Variants in EIPR1 observed in about 807,000 individuals in gnomAD.
EIPR1 encodes the protein EARP and GARP complex-interacting protein 1.
Under a neutral mutation model 48.1 loss-of-function variants are expected in EIPR1, and 25 were observed. The observed-to-expected ratio is 0.52, with a 90% CI of 0.38 to 0.73. The LOEUF (loss-of-function observed/expected upper bound fraction) is 0.73. Among genes scored for constraint, EIPR1 ranks in the 30% least tolerant of loss-of-function variants. The probability of loss-of-function intolerance (pLI) is 0.00; values close to 1 mark genes in which losing one functional copy is unlikely to be tolerated. For missense variants in EIPR1, 415 were observed against 506.2 expected (o/e 0.82, Z 1.73); for synonymous variants, 204 against 201.9 (o/e 1.01, Z -0.09).
rs540654557 is a variant in EIPR1 at position 3,337,228 on chromosome 2, T to C, written c.259+789A>G. 2.0e-5 allele frequency among the ~76,000 whole-genome samples: 3 copies of C among 152,222 alleles called. No homozygotes were observed. The South Asian group carries it at 6.2e-4, about 32-fold the overall frequency. ...GGATGTCCTGGTGACCAGCTTGATA[T>C]ATGAGCCATGCAATCCCTACACATC... On this transcript the variant is annotated intron_variant, in intron 3 of 8. Transcript: ENST00000382125.
At chr2:3,211,297 TACC>T (rs1665447046) in intron 5 of EIPR1, among the ~76,000 whole-genome samples, 1 of 152,094 alleles carries the variant, frequency 6.6e-6, no homozygotes, top group Admixed American at 6.5e-5. Context: ...CTTTCCTCTG[TACC>T]ACGTCTCTTC....
intron 3 of EIPR1, 37 bp from the exon 4 acceptor site, chr2:3,257,492 C>A (rs770252237): frequency 1.2e-6 from 2 of 1,608,562 alleles, no homozygotes; most frequent in East Asian, 2.2e-5. Flanking sequence ...GTCAACAGAG[C>A]ACGGTGTGCC....
At chr2:3,272,591 T>C (rs552733757) in intron 3 of EIPR1, among the ~76,000 whole-genome samples, 44 of 152,254 alleles carry the variant, frequency 2.9e-4, no homozygotes, top group African/African-American at 9.6e-4. Context: ...CATTTACAGA[T>C]TCACTTTGCC....
intron 1 of EIPR1, among the ~76,000 whole-genome samples, chr2:3,366,872 G>T (rs891875426): frequency 6.6e-6 from 1 of 152,074 alleles, no homozygotes; most frequent in Admixed American, 6.6e-5. Context: ...GACCAACGTG[G>T]TGAAACCCCA....
intron 3 of EIPR1, among the ~76,000 whole-genome samples, chr2:3,280,800 G>T (rs539665641): frequency 6.6e-6 from 1 of 152,274 alleles, no homozygotes; most frequent in East Asian, 1.9e-4. Context: ...CGCACTCAAG[G>T]AGAGGCAGCT....
intron 3 of EIPR1, among the ~76,000 whole-genome samples, chr2:3,310,466 A>C (rs1390792001): frequency 7.1e-6 from 1 of 141,074 alleles, no homozygotes; most frequent in Non-Finnish European, 1.5e-5. Context: ...ATCCTGGCTA[A>C]AACGGTGAAA....
intron 1 of EIPR1, among the ~76,000 whole-genome samples, chr2:3,369,549 G>A (rs889350892): frequency 2.6e-5 from 4 of 152,226 alleles, no homozygotes; most frequent in Non-Finnish European, 4.4e-5. Flanking sequence ...GCGCTTTTCC[G>A]ACGGGCTTAG....
chr2:3,326,124 G>A (rs1007749923), intron 3 of EIPR1, among the ~76,000 whole-genome samples: 2 of 152,228 alleles, frequency 1.3e-5, no homozygotes, highest in Non-Finnish European at 2.9e-5. Flanking sequence ...GGCATAAGGT[G>A]TGCTCTAGAT....
At chr2:3,266,909 G>A (rs936580137) in intron 3 of EIPR1, among the ~76,000 whole-genome samples, 6 of 152,190 alleles carry the variant, frequency 3.9e-5, no homozygotes, top group East Asian at 1.9e-4. Context: ...GGCCTCTCTC[G>A]GCTCTTCACC....
rs569041804 is a variant in EIPR1, at chr2:3,190,762, G to A, written c.990-1254C>T. On this transcript the variant is annotated intron_variant, in intron 8 of 8. Coordinates refer to ENST00000382125, the MANE Select transcript of EIPR1 (RefSeq NM_003310.5). ...GAGAGACCACTGGGCAGATGCTACC[G>A]TGCGTGTGCTTAAATACTATTCTAT... 3.4e-4 allele frequency among the ~76,000 whole-genome samples: 52 copies of A among 152,192 alleles called. 1 individual carries two copies. The South Asian group carries it at 7.1e-3, about 21-fold the overall frequency.
At chr2:3,368,435 G>A (rs1185344235) in intron 1 of EIPR1, among the ~76,000 whole-genome samples, 1 of 152,094 alleles carries the variant, frequency 6.6e-6, no homozygotes, top group African/African-American at 2.4e-5. Flanking sequence ...AATAGGAGTT[G>A]GCAGATGTAG....
intron 3 of EIPR1, among the ~76,000 whole-genome samples, chr2:3,285,493 C>T (rs927243391): frequency 6.8e-4 from 104 of 152,300 alleles, no homozygotes; most frequent in Non-Finnish European, 2.4e-4. Context: ...AGCTTCAAAA[C>T]AGGAGTTTGC....
At chr2:3,246,811 G>GGGAA (rs1558248752) in intron 4 of EIPR1, among the ~76,000 whole-genome samples, 1 of 64,126 alleles carries the variant, frequency 1.6e-5, no homozygotes, top group Admixed American at 1.6e-4. Flanking sequence ...GAGGCAGGGA[G>GGGAA]GGAGGGAGGG....
chr2:3,332,671 T>A (rs1296364840), intron 3 of EIPR1, among the ~76,000 whole-genome samples: 1 of 152,240 alleles, frequency 6.6e-6, no homozygotes, highest in Admixed American at 6.5e-5. Flanking sequence ...CTCATTTTGC[T>A]TTCATGGAGA....
At chr2:3,346,946 TAGG>T (rs2103364207) in intron 2 of EIPR1, among the ~76,000 whole-genome samples, 1 of 152,284 alleles carries the variant, frequency 6.6e-6, no homozygotes, top group African/African-American at 2.4e-5. Context: ...AGGGCCTGGT[TAGG>T]AGGTGTTTAG....
At chr2:3,352,173 G>A (rs1309670131) in intron 2 of EIPR1, among the ~76,000 whole-genome samples, 1 of 121,272 alleles carries the variant, frequency 8.2e-6, no homozygotes, top group Non-Finnish European at 1.7e-5. Context: ...TGTCTGTTCC[G>A]GACACCTTTG....
At position 3,286,657 on chromosome 2, in the gene EIPR1, C is replaced by T. The variant is rs1176111557; in HGVS notation, c.260-29202G>A. On this transcript the variant is annotated intron_variant, in intron 3 of 8. Coordinates refer to ENST00000382125, the MANE Select transcript of EIPR1 (RefSeq NM_003310.5). The surrounding 1 kb of genome is among the most constrained non-coding windows in gnomAD (Gnocchi z 4.2). Reference sequence around the variant, plus strand: ...CAGTCCAGAGTGCCCCGCAGAGCACCCGAGACAGCGGCTGGCAGAGCACAG... The same window carrying T: ...CAGTCCAGAGTGCCCCGCAGAGCACTCGAGACAGCGGCTGGCAGAGCACAG... Among the ~76,000 whole-genome samples, 1 of 152,220 alleles carries T rather than the reference C, an allele frequency of 6.6e-6. No individual in the cohort carries two copies. Among genetic ancestry groups the T allele is most frequent in the Admixed American group, 6.5e-5 (1 of 15,286 alleles).
chr2:3,256,295 T>C (rs13393791), intron 4 of EIPR1, among the ~76,000 whole-genome samples: 16,288 of 152,110 alleles, frequency 0.11, 908 homozygotes, highest in African/African-American at 0.14. Context: ...ATTCCTCTAA[T>C]AACAATTAAT....
chr2:3,232,715 T>C (rs1483064551), intron 4 of EIPR1, among the ~76,000 whole-genome samples: 1 of 152,110 alleles, frequency 6.6e-6, no homozygotes, highest in Non-Finnish European at 1.5e-5. Context: ...GGTTCCCCCA[T>C]GTTGAATAGG....
Sources: allele counts gnomAD v4.1 joint callset (sites outside exome capture counted in the v4.1 genomes callset), GRCh38; gene constraint gnomAD v4.1.1; non-coding constraint Gnocchi (gnomAD v3.1); transcripts MANE v1.5; gene names NCBI Gene and HGNC (gene_info 2026-07-23, HGNC 2026-07-21).